Variants in SPOCK3 observed in about 807,000 individuals in gnomAD.
SPOCK3 encodes the protein testican-3.
SPOCK3 carries 30 observed loss-of-function variants against 56.6 expected under a neutral mutation model. The ratio of observed to expected loss-of-function variants is 0.53; its 90% CI spans 0.40 to 0.72. SPOCK3 has a LOEUF of 0.72. Ranked by LOEUF, SPOCK3 falls within the 30% of genes least tolerant of loss-of-function variation. The probability of loss-of-function intolerance (pLI) is 0.00; values close to 1 mark genes in which losing one functional copy is unlikely to be tolerated. For missense variants in SPOCK3, 527 were observed against 530.0 expected, an observed-to-expected ratio of 0.99 and a Z score of 0.06; for synonymous variants, 196 against 183.3, an observed-to-expected ratio of 1.07 and a Z score of -0.56.
chr4:166,826,233 G>A (rs947958667), intron 6 of SPOCK3, among the ~76,000 whole-genome samples: 24 of 152,090 alleles, frequency 1.6e-4, no homozygotes, highest in African/African-American at 5.1e-4. Context: ...CATCAATACC[G>A]AGCTGTATTT....
intron 6 of SPOCK3, among the ~76,000 whole-genome samples, chr4:166,832,976 G>A (rs1746239238): frequency 6.6e-6 from 1 of 152,064 alleles, no homozygotes; most frequent in South Asian, 2.1e-4. Flanking sequence ...TGGGTGTCAG[G>A]ATTGATTGTA....
intron 3 of SPOCK3, among the ~76,000 whole-genome samples, chr4:167,035,456 A>G (rs1561144112): frequency 6.6e-6 from 1 of 152,118 alleles, no homozygotes; most frequent in Non-Finnish European, 1.5e-5. Flanking sequence ...AAACCTTACG[A>G]GCCAGCTCAA....
In SPOCK3 at chr4:167,189,004, CA is replaced by C. The variant is rs1008292813; in HGVS notation, c.189+44980del. Among the ~76,000 whole-genome samples the C allele has an allele frequency of 9.6e-5, 14 of 146,028 alleles. 3 individuals are homozygous for C. The highest frequency in any genetic ancestry group is 3.7e-4 in the African/African-American group (14 of 38,278). On this transcript the variant is annotated intron_variant, in intron 2 of 10. Transcript: ENST00000357545. ...GGCTTCACTGTTGAAGTCCGTCAAA[CA>C]TTTCAGAATGAATAGTAACAACCCT...
At chr4:166,857,659 T>C (rs1730831855) in intron 6 of SPOCK3, among the ~76,000 whole-genome samples, 1 of 152,182 alleles carries the variant, frequency 6.6e-6, no homozygotes, top group South Asian at 2.1e-4. Context: ...TTGAATATAC[T>C]AAGAAAAAAA....
intron 4 of SPOCK3, among the ~76,000 whole-genome samples, chr4:166,949,601 T>G (rs1561044493): frequency 6.6e-6 from 1 of 152,088 alleles, no homozygotes; most frequent in Admixed American, 6.6e-5. Context: ...TTCCTAGAGG[T>G]CCACTCCAGA....
At chr4:167,104,506 G>A (rs953377734) in intron 2 of SPOCK3, among the ~76,000 whole-genome samples, 39 of 152,098 alleles carry the variant, frequency 2.6e-4, no homozygotes, top group Admixed American at 7.2e-4. Context: ...GAATTAATGA[G>A]CTTGAAGACA....
At chr4:166,920,887 G>T (rs899111626) in intron 4 of SPOCK3, among the ~76,000 whole-genome samples, 7 of 152,118 alleles carry the variant, frequency 4.6e-5, no homozygotes, top group African/African-American at 1.7e-4. Context: ...GAAAGCTTCA[G>T]CAGAGCCATT....
At position 166,931,337 on chromosome 4, in the gene SPOCK3, T is replaced by TGG. The variant is rs34413695; in HGVS notation, c.351-18596_351-18595dup. 8.7e-3 allele frequency among the ~76,000 whole-genome samples: 911 copies of TGG among 104,556 alleles called. 6 individuals are homozygous for TGG. The highest frequency in any genetic ancestry group is 0.028 in the African/African-American group (764 of 27,258). 68.6% of individuals were successfully genotyped at this position (104,556 alleles called of 152,430 possible). ...CACTACTCTAGGTGTGTGTGGGGGG[T>TGG]GGGGGGGCAAGAAAACCTTTGAGTT... On this transcript the variant is annotated intron_variant, in intron 4 of 10. Coordinates refer to ENST00000357545, the MANE Select transcript of SPOCK3 (RefSeq NM_001040159.2).
chr4:166,766,159 C>T (rs1052627835), intron 7 of SPOCK3, among the ~76,000 whole-genome samples: 2 of 152,126 alleles, frequency 1.3e-5, no homozygotes, highest in African/African-American at 4.8e-5. Context: ...TTCCTATTTT[C>T]CTAATTGAAT....
intron 2 of SPOCK3, among the ~76,000 whole-genome samples, chr4:167,173,127 C>T (rs1468213060): frequency 1.3e-5 from 2 of 152,074 alleles, no homozygotes; most frequent in African/African-American, 2.4e-5. Context: ...TATGTTTTTA[C>T]GACTTCCCAC....
chr4:166,999,943 CTT>C (rs1748780941), intron 4 of SPOCK3, among the ~76,000 whole-genome samples: 1 of 152,128 alleles, frequency 6.6e-6, no homozygotes, highest in Non-Finnish European at 1.5e-5. Flanking sequence ...CTTTTAATCT[CTT>C]TTTATGAACA....
chr4:167,221,952 C>T (rs1271989625), intron 2 of SPOCK3, among the ~76,000 whole-genome samples: 1 of 152,136 alleles, frequency 6.6e-6, no homozygotes, highest in Non-Finnish European at 1.5e-5. Flanking sequence ...AATTCCACTT[C>T]TGAGTATATA....
chr4:167,228,471 A>C (rs1242425405), intron 2 of SPOCK3, among the ~76,000 whole-genome samples: 2 of 152,124 alleles, frequency 1.3e-5, no homozygotes, highest in African/African-American at 4.8e-5. Context: ...ATCAATTCAT[A>C]CCTCCTGACA....
chr4:166,746,483 C>A (rs1735632229), intron 8 of SPOCK3, among the ~76,000 whole-genome samples: 1 of 152,092 alleles, frequency 6.6e-6, no homozygotes, highest in African/African-American at 2.4e-5. Flanking sequence ...ACATTTAAAG[C>A]AGTGTGGAGA....
chr4:167,206,320 A>G (rs1253431452), intron 2 of SPOCK3, among the ~76,000 whole-genome samples: 1 of 152,054 alleles, frequency 6.6e-6, no homozygotes, highest in Non-Finnish European at 1.5e-5. Flanking sequence ...GTGAAACTCC[A>G]TCTTGAAAAA....
chr4:167,037,089 G>T (rs2150192512), intron 3 of SPOCK3, among the ~76,000 whole-genome samples: 1 of 152,236 alleles, frequency 6.6e-6, no homozygotes, highest in Non-Finnish European at 1.5e-5. Flanking sequence ...TGAGACCATT[G>T]CTGCTCAGCT....
intron 6 of SPOCK3, among the ~76,000 whole-genome samples, chr4:166,796,653 A>G (rs192714431): frequency 2.6e-5 from 4 of 152,186 alleles, no homozygotes; most frequent in Non-Finnish European, 5.9e-5. Flanking sequence ...GGCATAATTT[A>G]TTATTTTTTC....
intron 4 of SPOCK3, among the ~76,000 whole-genome samples, chr4:166,925,244 T>C (rs1252324765): frequency 6.6e-6 from 1 of 152,194 alleles, no homozygotes; most frequent in Non-Finnish European, 1.5e-5. Context: ...CATTTTTGAT[T>C]ATTTACCCCA....
rs141644273 is a variant in SPOCK3, at chr4:166,860,583, A to G, written c.589+28547T>C. On this transcript the variant is annotated intron_variant, in intron 6 of 10. Coordinates refer to ENST00000357545, the MANE Select transcript of SPOCK3 (RefSeq NM_001040159.2). ...TGATAAAGGAGTGCAAGCAAAATCA[A>G]TGATCAAGGAGTGCAAATGATGTTT... Among the ~76,000 whole-genome samples, 1,295 of 151,920 alleles carry G rather than the reference A, an allele frequency of 8.5e-3. 8 individuals are homozygous for G. The highest frequency in any genetic ancestry group is 0.015 in the Non-Finnish European group (998 of 67,906).
Sources: allele counts gnomAD v4.1 joint callset (sites outside exome capture counted in the v4.1 genomes callset), GRCh38; gene constraint gnomAD v4.1.1; transcripts MANE v1.5; gene names NCBI Gene and HGNC (gene_info 2026-07-23, HGNC 2026-07-21).